The following ACOX3 variants were observed in gnomAD, a reference collection of about 807,000 sequenced individuals.
ACOX3 encodes the protein acyl-CoA oxidase 3, pristanoyl.
In ACOX3, 73 loss-of-function variants were observed where a neutral mutation model predicts 81.5. That is an observed-to-expected ratio of 0.90 (90% CI 0.74 to 1.09). The LOEUF is 1.09. Ranked by LOEUF, ACOX3 falls within the 50% of genes least tolerant of loss-of-function variation. ACOX3 has a pLI of 0.00. For synonymous variants in ACOX3, 387 were observed against 375.1 expected, an observed-to-expected ratio of 1.03 and a Z score of -0.37; for missense variants, 947 against 928.0, an observed-to-expected ratio of 1.02 and a Z score of -0.27.
chr4:8,355,762 GAAT>G, the ACOX3 span: 1 of 152,272 alleles, frequency 6.6e-6, no homozygotes, highest in Non-Finnish European at 1.5e-5. Flanking sequence ...GATGCATGAG[GAAT>G]AATGATTTAC....
In ACOX3 at chr4:8,366,848, C is replaced by G; in HGVS notation, c.*113G>C. The G allele has an allele frequency of 6.8e-7, 1 of 1,464,658 alleles. No homozygotes were observed. The highest frequency in any genetic ancestry group is 1.3e-5 in the South Asian group (1 of 79,302). The allele number at this position is 1,464,658 out of a possible 1,614,324, so 90.7% of individuals were successfully genotyped here. A position where few individuals can be genotyped will look rare whatever the true frequency, so the allele number is the denominator to read the frequency against. On this transcript the variant is annotated 3_prime_UTR_variant, in exon 18 of 18. Transcript: ENST00000356406. ...AATCAGCAGTTTAGGCGCACAGGTG[C>G]GGGCTCAGAAAGCAGCAGCAATCTC...
chr4:8,414,200 TG>T lies in ACOX3; in HGVS notation c.543+91del. On this transcript the variant is annotated intron_variant, in intron 5 of 17. Coordinates refer to ENST00000356406, the MANE Select transcript of ACOX3 (RefSeq NM_003501.3). The surrounding 1 kb of genome is among the most constrained non-coding windows in gnomAD (Gnocchi z 6.1). Reference sequence around the variant, plus strand: ...TATGTGGACAGGCCTCTTGCTTTAATGTTTTTTTTTTCTTATTCTGGGCAAC... The same window carrying T: ...TATGTGGACAGGCCTCTTGCTTTAATTTTTTTTTTTCTTATTCTGGGCAAC... The T allele has an allele frequency of 1.9e-6, 2 of 1,069,842 alleles. No homozygotes were observed. The highest frequency in any genetic ancestry group is 1.6e-5 in the African/African-American group (1 of 62,758). 66.3% of individuals were successfully genotyped at this position (1,069,842 alleles called of 1,614,324 possible).
intron 7 of ACOX3, among the ~76,000 whole-genome samples, chr4:8,403,994 A>C (rs192874449): frequency 1.3e-3 from 204 of 152,348 alleles, no homozygotes; most frequent in Non-Finnish European, 2.1e-3. Flanking sequence ...CTGTGGCTGC[A>C]GAGCCCTGAA....
chr4:8,420,998 G>T (rs1333384295), intron 1 of ACOX3, among the ~76,000 whole-genome samples: 1 of 152,166 alleles, frequency 6.6e-6, no homozygotes, highest in Non-Finnish European at 1.5e-5. Context: ...TCACCGCATG[G>T]CCCAAGGTTC....
Position 8,405,813 on chromosome 4 carries a change from G to A in ACOX3, c.776+142C>T. Reference sequence around the variant, plus strand: ...AGGACGTGGCCAGTGCATGCACGGGGGCTAGGCGTAGGTCCCCACCGCATT... The same window carrying A: ...AGGACGTGGCCAGTGCATGCACGGGAGCTAGGCGTAGGTCCCCACCGCATT... On this transcript the variant is annotated intron_variant, in intron 7 of 17. Transcript: ENST00000356406. This position sits in a 1 kb window ranked among gnomAD's most constrained non-coding sequence, Gnocchi z 7.1. 1 of 839,192 alleles carries A rather than the reference G, an allele frequency of 1.2e-6. No homozygotes were observed. Among genetic ancestry groups the A allele is most frequent in the South Asian group, 1.5e-5 (1 of 66,242 alleles). The allele number at this position is 839,192 out of a possible 1,614,324, so 52.0% of individuals were successfully genotyped here.
At chr4:8,376,554 CG>C (rs1716991237) in intron 14 of ACOX3, among the ~76,000 whole-genome samples, 1 of 152,120 alleles carries the variant, frequency 6.6e-6, no homozygotes, top group Non-Finnish European at 1.5e-5. Flanking sequence ...TCAGGAGCCT[CG>C]GGAAAACAGA....
In ACOX3 at chr4:8,421,446, C is replaced by T. The variant is rs374401119; in HGVS notation, c.-14-4911G>A. On this transcript the variant is annotated intron_variant, in intron 1 of 17. Coordinates refer to ENST00000356406, the MANE Select transcript of ACOX3 (RefSeq NM_003501.3). ...GTCGTCCCAAATTCCCGGCATTGGC[C>T]GGTCAAGATCATGGCGCAGCCAGAA... Among the ~76,000 whole-genome samples, 184 of 152,328 alleles carry T rather than the reference C, an allele frequency of 1.2e-3. 1 individual carries two copies. Among genetic ancestry groups the T allele is most frequent in the African/African-American group, 4.1e-3 (171 of 41,578 alleles).
chr4:8,392,179 C>T (rs578042939), intron 11 of ACOX3, among the ~76,000 whole-genome samples, 154 bp downstream of exon 11: 10 of 152,340 alleles, frequency 6.6e-5, no homozygotes, highest in Admixed American at 2.0e-4. Context: ...TGCAAATGAA[C>T]GGGGGTGGCT....
Position 8,419,161 on chromosome 4 carries a change from C to T in ACOX3, c.-14-2626G>A, listed in dbSNP as rs1398415493. ...TAAAGAACCAGATAAATAGGCCAGG[C>T]GCAGTGGCTCATGCCTGTAATCCCA... On this transcript the variant is annotated intron_variant, in intron 1 of 17. Transcript: ENST00000356406. This position sits in a 1 kb window ranked among gnomAD's most constrained non-coding sequence, Gnocchi z 4.2. Among the ~76,000 whole-genome samples the T allele has an allele frequency of 1.3e-5, 2 of 152,016 alleles. No individual in the cohort carries two copies. Among genetic ancestry groups the T allele is most frequent in the African/African-American group, 2.4e-5 (1 of 41,390 alleles).
chr4:8,406,600 G>A lies in ACOX3; in HGVS notation c.688-557C>T, dbSNP rs916343630. 6.6e-6 allele frequency among the ~76,000 whole-genome samples: 1 copy of A among 152,110 alleles called. No individual in the cohort carries two copies. Among genetic ancestry groups the A allele is most frequent in the Non-Finnish European group, 1.5e-5 (1 of 68,028 alleles). ...ACTTATTGGATACAAGACAAAGGCA[G>A]GATAAGGAGAGTGAGCCATCTCCAA... On this transcript the variant is annotated intron_variant, in intron 6 of 17. Transcript: ENST00000356406. The surrounding 1 kb of genome is among the most constrained non-coding windows in gnomAD (Gnocchi z 5.6).
Position 8,381,207 on chromosome 4 carries a change from G to A in ACOX3, c.1653+285C>T, listed in dbSNP as rs778295002. ...TGTCTCCGCCACTCTGTGCATCCAA[G>A]GCTCTCACAACCCAGAGCTTCACCG... On this transcript the variant is annotated intron_variant, in intron 14 of 17. Transcript: ENST00000356406. This position sits in a 1 kb window ranked among gnomAD's most constrained non-coding sequence, Gnocchi z 4.3. Among the ~76,000 whole-genome samples the A allele has an allele frequency of 6.6e-6, 1 of 152,188 alleles. No homozygotes were observed. Among genetic ancestry groups the A allele is most frequent in the Non-Finnish European group, 1.5e-5 (1 of 68,034 alleles).
intron 1 of ACOX3, among the ~76,000 whole-genome samples, chr4:8,418,695 A>G (rs966024025): frequency 2.6e-5 from 4 of 150,962 alleles, no homozygotes; most frequent in Non-Finnish European, 4.4e-5. Context: ...CCCCATCGCT[A>G]CTGAAAATAC....
rs1720929400 is a variant in ACOX3 at position 8,406,169 on chromosome 4, T to C, written c.688-126A>G. On this transcript the variant is annotated intron_variant, in intron 6 of 17. Transcript: ENST00000356406. This position sits in a 1 kb window ranked among gnomAD's most constrained non-coding sequence, Gnocchi z 5.6. ...CGCTGGGCGGCTGTGGGTTAAACCA[T>C]CCTCCAGAAATGATACATCCAAGTC... The C allele has an allele frequency of 3.6e-6, 3 of 844,154 alleles. No homozygotes were observed. The highest frequency in any genetic ancestry group is 3.9e-6 in the Non-Finnish European group (2 of 510,668). 52.3% of individuals were successfully genotyped at this position (844,154 alleles called of 1,614,324 possible). A position where few individuals can be genotyped will look rare whatever the true frequency, so the allele number is the denominator to read the frequency against.
intron 5 of ACOX3, among the ~76,000 whole-genome samples, chr4:8,411,009 C>T (rs1578958241): frequency 2.6e-5 from 4 of 152,320 alleles, no homozygotes; most frequent in Admixed American, 6.5e-5. Context: ...GGGTCAGAAG[C>T]GAAGAGCACG....
chr4:8,370,936 TC>T lies in ACOX3; in HGVS notation c.1954del (p.Asp652ThrfsTer37), dbSNP rs773160862. The T allele has an allele frequency of 2.7e-5, 44 of 1,613,678 alleles. No homozygotes were observed. The South Asian group carries it at 4.8e-4, about 18-fold the overall frequency. ...GCCGTCGGCTCTGCCAATCGGTGAG[TC>T]CAGAACAAAGTCAGGAGGAGCGATC... ...DVIAPPDFVL[D>X]SPIGRADGEL... On this transcript the variant is annotated frameshift_variant, in exon 17 of 18. Transcript: ENST00000356406. LOFTEE classifies it low-confidence loss of function (END_TRUNC). The surrounding 1 kb of genome is among the most constrained non-coding windows in gnomAD (Gnocchi z 6.3).
chr4:8,396,939 G>A lies in ACOX3; in HGVS notation c.1054C>T (p.Gln352Ter), dbSNP rs781731929. 6.2e-7 allele frequency: 1 copy of A among 1,610,414 alleles called. No homozygotes were observed. Among genetic ancestry groups the A allele is most frequent in the East Asian group, 2.2e-5 (1 of 44,716 alleles). Residue 352 changes from glutamine (Q) to a stop codon, truncating the protein, a stop_gained and splice_region_variant, in exon 9 of 18, where the codon CAG (glutamine) becomes TAG (stop). Transcript: ENST00000356406. LOFTEE classifies it high-confidence loss of function. ...AAGGATGCTTGAAAACCTCATACCT[G>A]CATTGGATACTCAAGCACTGGTATT... is the stretch of plus-strand genomic sequence containing the variant. Reference protein sequence around the residue: ...EEIPVLEYPMQQWRLLPYLAA... With the variant: ...EEIPVLEYPM
Position 8,419,644 on chromosome 4 carries a change from G to A in ACOX3, c.-14-3109C>T, listed in dbSNP as rs764503494. ...TCTGAGGTATGTACGCAAGAGAACCGAAAACATCACGTCCTCAATGTGTGC... is the reference window on the plus strand; with the variant it reads ...TCTGAGGTATGTACGCAAGAGAACCAAAAACATCACGTCCTCAATGTGTGC... On this transcript the variant is annotated intron_variant, in intron 1 of 17. Coordinates refer to ENST00000356406, the MANE Select transcript of ACOX3 (RefSeq NM_003501.3). This position sits in a 1 kb window ranked among gnomAD's most constrained non-coding sequence, Gnocchi z 4.2. Among the ~76,000 whole-genome samples, 2 of 152,066 alleles carry A rather than the reference G, an allele frequency of 1.3e-5. No individual in the cohort carries two copies. The highest frequency in any genetic ancestry group is 4.8e-5 in the African/African-American group (2 of 41,392).
rs1321055624 is a variant in ACOX3 at position 8,394,188 on chromosome 4, G to A, written c.1179+432C>T. Among the ~76,000 whole-genome samples, 2 of 152,168 alleles carry A rather than the reference G, an allele frequency of 1.3e-5. No individual in the cohort carries two copies. The highest frequency in any genetic ancestry group is 1.9e-4 in the East Asian group (1 of 5,202). On this transcript the variant is annotated intron_variant, in intron 10 of 17. Transcript: ENST00000356406. The surrounding 1 kb of genome is among the most constrained non-coding windows in gnomAD (Gnocchi z 5.9). ...TCCGTTCCCGATGTCTCTTTATGCCGAGGCTGATCTCGGGATTTGCACGCT... is the reference window on the plus strand; with the variant it reads ...TCCGTTCCCGATGTCTCTTTATGCCAAGGCTGATCTCGGGATTTGCACGCT...
chr4:8,381,698 T>A lies in ACOX3; in HGVS notation c.1538-91A>T. ...CCCCAGGGACAAGGCACTGCCAGCA[T>A]CCTGCAGGTACCAGGTTGTCTTCAT... On this transcript the variant is annotated intron_variant, in intron 13 of 17. Transcript: ENST00000356406. The surrounding 1 kb of genome is among the most constrained non-coding windows in gnomAD (Gnocchi z 4.3). 1 of 926,532 alleles carries A rather than the reference T, an allele frequency of 1.1e-6. No individual in the cohort carries two copies. Among genetic ancestry groups the A allele is most frequent in the Non-Finnish European group, 1.7e-6 (1 of 592,928 alleles). The allele number at this position is 926,532 out of a possible 1,614,324, so 57.4% of individuals were successfully genotyped here. A position where few individuals can be genotyped will look rare whatever the true frequency, so the allele number is the denominator to read the frequency against.
Sources: allele counts gnomAD v4.1 joint callset (sites outside exome capture counted in the v4.1 genomes callset), GRCh38; gene constraint gnomAD v4.1.1; non-coding constraint Gnocchi (gnomAD v3.1); transcripts MANE v1.5; gene names NCBI Gene and HGNC (gene_info 2026-07-23, HGNC 2026-07-21).